THSD7A: variants seen among roughly 807,000 people sequenced by gnomAD.
THSD7A encodes thrombospondin type-1 domain-containing protein 7A.
In THSD7A, 96 loss-of-function variants were observed where a neutral mutation model predicts 231.3. That is an observed-to-expected ratio of 0.41 (90% CI 0.35 to 0.49). The LOEUF is 0.49. THSD7A is among the 20% of genes least tolerant of loss of function. The pLI is 0.05. For missense variants in THSD7A, 2,290 were observed against 2,070.2 expected (o/e 1.11, Z -2.06); for synonymous variants, 940 against 743.3 (o/e 1.26, Z -4.30).
intron 1 of THSD7A, among the ~76,000 whole-genome samples, chr7:11,805,299 G>A (rs1164897492): frequency 6.6e-6 from 1 of 152,152 alleles, no homozygotes; most frequent in African/African-American, 2.4e-5. Flanking sequence ...TCCCATGGCT[G>A]TCAAAATACT....
intron 1 of THSD7A, among the ~76,000 whole-genome samples, chr7:11,732,121 GA>G (rs2128157568): frequency 6.6e-6 from 1 of 151,488 alleles, no homozygotes; most frequent in South Asian, 2.1e-4. Context: ...AATATTAGCT[GA>G]AAAAAGAGAT....
chr7:11,506,150 C>T (rs1012425252), intron 6 of THSD7A, among the ~76,000 whole-genome samples: 3 of 151,546 alleles, frequency 2.0e-5, no homozygotes, highest in Non-Finnish European at 2.9e-5. Flanking sequence ...TGACACCACG[C>T]CTGGCTAATT....
At chr7:11,469,272 AC>A (rs1213398260) in intron 9 of THSD7A, among the ~76,000 whole-genome samples, 13 of 152,284 alleles carry the variant, frequency 8.5e-5, no homozygotes, top group Non-Finnish European at 1.8e-4. Flanking sequence ...ATGAGAAAAG[AC>A]CCTGACCTAG....
chr7:11,792,846 T>C (rs1784000907), intron 1 of THSD7A, among the ~76,000 whole-genome samples: 1 of 151,976 alleles, frequency 6.6e-6, no homozygotes, highest in Non-Finnish European at 1.5e-5. Context: ...GAAGGAGCCA[T>C]ACATAATACA....
chr7:11,508,037 G>C (rs1456952546), intron 6 of THSD7A, among the ~76,000 whole-genome samples: 1 of 152,160 alleles, frequency 6.6e-6, no homozygotes, highest in African/African-American at 2.4e-5. Context: ...GCAGGAGAGA[G>C]AGAGAGAGCA....
intron 13 of THSD7A, among the ~76,000 whole-genome samples, chr7:11,429,406 T>A (rs927485763): frequency 5.3e-5 from 8 of 152,214 alleles, no homozygotes; most frequent in African/African-American, 1.9e-4. Flanking sequence ...CGTGTTTAAT[T>A]GACAATAACC....
At chr7:11,712,077 A>C (rs1273352784) in intron 1 of THSD7A, among the ~76,000 whole-genome samples, 1 of 151,100 alleles carries the variant, frequency 6.6e-6, no homozygotes, top group African/African-American at 2.4e-5. Context: ...CAGGAAAGAG[A>C]CTATGCAAAT....
chr7:11,371,468 A>AATCT lies in THSD7A; in HGVS notation c.*4322_*4325dup, dbSNP rs1782049984. 1 of 152,160 alleles carries AATCT rather than the reference A, an allele frequency of 6.6e-6. No individual in the cohort carries two copies. The highest frequency in any genetic ancestry group is 1.5e-5 in the Non-Finnish European group (1 of 68,030). 9.4% of individuals were successfully genotyped at this position (152,160 alleles called of 1,614,324 possible). On this transcript the variant is annotated 3_prime_UTR_variant, in exon 28 of 28. Transcript: ENST00000423059. ...GGACTACTGTTTTTTCAACACCCTC[A>AATCT]ATCTTACAGTGGAAATAGAAGAAGA...
intron 1 of THSD7A, among the ~76,000 whole-genome samples, chr7:11,753,453 T>C (rs928091613): frequency 1.3e-5 from 2 of 152,002 alleles, no homozygotes; most frequent in African/African-American, 4.8e-5. Context: ...CAGGCCACAG[T>C]GTTAAAATTT....
In THSD7A at chr7:11,406,176, C is replaced by A. The variant is rs1783574435; in HGVS notation, c.4237+124G>T. On this transcript the variant is annotated intron_variant, in intron 22 of 27. Transcript: ENST00000423059. The surrounding 1 kb of genome is among the most constrained non-coding windows in gnomAD (Gnocchi z 4.7). ...CACAGGCATAGTGTTGAGCTGTTGG[C>A]ATAGATATTACTGAATAAGAAGACT... 1.0e-6 allele frequency: 1 copy of A among 985,624 alleles called. No homozygotes were observed. The highest frequency in any genetic ancestry group is 1.5e-6 in the Non-Finnish European group (1 of 677,782). 61.1% of individuals were successfully genotyped at this position (985,624 alleles called of 1,614,324 possible). A position where few individuals can be genotyped will look rare whatever the true frequency, so the allele number is the denominator to read the frequency against.
Position 11,593,374 on chromosome 7 carries a change from C to T in THSD7A, c.1151G>A (p.Gly384Asp). 1 of 1,614,020 alleles carries T rather than the reference C, an allele frequency of 6.2e-7. No individual in the cohort carries two copies. Among genetic ancestry groups the T allele is most frequent in the Non-Finnish European group, 8.5e-7 (1 of 1,179,898 alleles). The change falls in exon 3 of 28, where the codon GGC (glycine) becomes GAC (aspartate). Residue 384 changes from glycine (G) to aspartate (D), a missense_variant. Physicochemically the swap from Gly to Asp is moderately conservative, Grantham distance 94. Coordinates refer to ENST00000423059, the MANE Select transcript of THSD7A (RefSeq NM_015204.3). ...KTCHDMVSPAGTRVRTRTIRQ... is the reference protein window; with the variant it reads ...KTCHDMVSPADTRVRTRTIRQ... ...GATGGTTCGTGTCCTTACACGAGTG[C>T]CTGCAGGGGACACCATGTCATGGCA...
At chr7:11,668,043 G>A (rs1783215787) in intron 1 of THSD7A, among the ~76,000 whole-genome samples, 1 of 152,160 alleles carries the variant, frequency 6.6e-6, no homozygotes, top group South Asian at 2.1e-4. Context: ...ATTAGGCTAT[G>A]AGTCTTGATA....
In THSD7A at chr7:11,634,027, AC is replaced by A. The variant is rs993594422; in HGVS notation, c.1022+2102del. Among the ~76,000 whole-genome samples, 38 of 152,274 alleles carry A rather than the reference AC, an allele frequency of 2.5e-4. No homozygotes were observed. Among genetic ancestry groups the A allele is most frequent in the Admixed American group, 1.4e-3 (21 of 15,288 alleles). On this transcript the variant is annotated intron_variant, in intron 2 of 27. Transcript: ENST00000423059. The surrounding 1 kb of genome is among the most constrained non-coding windows in gnomAD (Gnocchi z 4.1). ...ATTCACTCTTCACTTTATTGGCTTCACTGATATCATGGTATAATATCTGAGC... is the reference window on the plus strand; with the variant it reads ...ATTCACTCTTCACTTTATTGGCTTCATGATATCATGGTATAATATCTGAGC...
chr7:11,625,075 T>C (rs1202402233), intron 2 of THSD7A, among the ~76,000 whole-genome samples: 1 of 152,068 alleles, frequency 6.6e-6, no homozygotes, highest in Non-Finnish European at 1.5e-5. Flanking sequence ...GAAATTCATA[T>C]TTATTATTCC....
chr7:11,565,705 T>A (rs82), intron 4 of THSD7A, among the ~76,000 whole-genome samples: 1 of 152,056 alleles, frequency 6.6e-6, no homozygotes, highest in Admixed American at 6.6e-5. Flanking sequence ...CATCGTTTCC[T>A]CTTGTTCTAG....
intron 4 of THSD7A, among the ~76,000 whole-genome samples, chr7:11,582,350 TA>T (rs1423641935): frequency 6.6e-6 from 1 of 152,028 alleles, no homozygotes; most frequent in East Asian, 1.9e-4. Flanking sequence ...TTAACATGCA[TA>T]ATGTTAGTAA....
intron 1 of THSD7A, among the ~76,000 whole-genome samples, chr7:11,774,352 G>A (rs1271127704): frequency 6.6e-6 from 1 of 152,114 alleles, no homozygotes; most frequent in African/African-American, 2.4e-5. Context: ...TAAATGGGGA[G>A]CTGGTATAAA....
At chr7:11,515,429 T>C (rs1158606353) in intron 6 of THSD7A, among the ~76,000 whole-genome samples, 4 of 152,126 alleles carry the variant, frequency 2.6e-5, no homozygotes, top group Admixed American at 6.5e-5. Context: ...ACCTTTTGGC[T>C]GAAAGAAGAC....
chr7:11,770,556 T>G (rs1783189143), intron 1 of THSD7A, among the ~76,000 whole-genome samples: 1 of 152,176 alleles, frequency 6.6e-6, no homozygotes, highest in Non-Finnish European at 1.5e-5. Context: ...AATGATTGTT[T>G]CAGTCTAACT....
Sources: gnomAD v4.1 joint callset for allele counts (sites outside exome capture counted in the v4.1 genomes callset) on GRCh38, gnomAD v4.1.1 for gene constraint, Gnocchi (gnomAD v3.1) non-coding constraint, MANE v1.5 for transcripts, NCBI Gene and HGNC (gene_info 2026-07-23, HGNC 2026-07-21) for gene names.